RBFOX3: variants seen among roughly 807,000 people sequenced by gnomAD.
RBFOX3 encodes the protein RNA binding fox-1 homolog 3.
A neutral mutation model predicts 48.7 loss-of-function variants in RBFOX3; 17 were observed. The ratio of observed to expected loss-of-function variants is 0.35; its 90% CI spans 0.24 to 0.52. RBFOX3 has a LOEUF of 0.52. Ranked by LOEUF, RBFOX3 falls within the 20% of genes least tolerant of loss-of-function variation. RBFOX3 has a pLI of 0.94. For missense variants in RBFOX3, 382 were observed against 497.5 expected (o/e 0.77, Z 2.21); for synonymous variants, 212 against 209.5 (o/e 1.01, Z -0.10).
At chr17:79,105,991 A>G (rs1011097689) in intron 6 of RBFOX3, among the ~76,000 whole-genome samples, 1 of 152,234 alleles carries the variant, frequency 6.6e-6, no homozygotes, top group African/African-American at 2.4e-5. Context: ...CCCAGGACCC[A>G]GGGGCAGCCC....
At chr17:79,294,183 C>G (rs1770566347) in intron 3 of RBFOX3, among the ~76,000 whole-genome samples, 1 of 152,230 alleles carries the variant, frequency 6.6e-6, no homozygotes, top group South Asian at 2.1e-4. Flanking sequence ...TCTTCCCTAA[C>G]AGTTTATCTG....
chr17:79,656,828 A>G, the RBFOX3 span, among the ~76,000 whole-genome samples: 2,693 of 124,270 alleles, frequency 0.022, 61 homozygotes, highest in Non-Finnish European at 0.03. Flanking sequence ...AAAGAAAGAA[A>G]GAAAAGAAAG....
chr17:79,444,234 G>T (rs1224911958), intron 2 of RBFOX3, among the ~76,000 whole-genome samples: 2 of 152,154 alleles, frequency 1.3e-5, no homozygotes, highest in African/African-American at 4.8e-5. Flanking sequence ...ACCCTCAGGG[G>T]TCAGCCAACT....
intron 4 of RBFOX3, among the ~76,000 whole-genome samples, chr17:79,163,642 T>C (rs968530577): frequency 1.3e-5 from 2 of 152,044 alleles, no homozygotes; most frequent in Non-Finnish European, 2.9e-5. Flanking sequence ...CACCCAGCAC[T>C]GGGTGCAGAG....
intron 3 of RBFOX3, among the ~76,000 whole-genome samples, chr17:79,240,989 T>G (rs1600176623): frequency 6.6e-6 from 1 of 151,558 alleles, no homozygotes; most frequent in Non-Finnish European, 1.5e-5. Flanking sequence ...AAAAAAAATT[T>G]TTTTTGAGCA....
At chr17:79,185,258 A>C (rs999010953) in intron 4 of RBFOX3, among the ~76,000 whole-genome samples, 6 of 152,214 alleles carry the variant, frequency 3.9e-5, no homozygotes, top group African/African-American at 1.4e-4. Flanking sequence ...TGGTGCTGGC[A>C]CAGGACAAGG....
chr17:79,581,233 G>T (rs1372144938), intron 1 of RBFOX3, among the ~76,000 whole-genome samples: 2 of 152,156 alleles, frequency 1.3e-5, no homozygotes, highest in Non-Finnish European at 2.9e-5. Flanking sequence ...GGGCGACAGA[G>T]CGAGACTCCA....
In RBFOX3 at chr17:79,535,332, A is replaced by T. The variant is rs1003757021; in HGVS notation, c.-319-52734T>A. On this transcript the variant is annotated intron_variant, in intron 1 of 14. Coordinates refer to ENST00000693108, the MANE Select transcript of RBFOX3 (RefSeq NM_001350451.2). This position sits in a 1 kb window ranked among gnomAD's most constrained non-coding sequence, Gnocchi z 4.5. ...TTTGACTCATTGGCCAGATCTGGGG[A>T]TCACCTATAGGTAAGGAGAAGAGGG... is the stretch of plus-strand genomic sequence containing the variant. 6.6e-6 allele frequency among the ~76,000 whole-genome samples: 1 copy of T among 152,160 alleles called. No individual in the cohort carries two copies. Among genetic ancestry groups the T allele is most frequent in the African/African-American group, 2.4e-5 (1 of 41,430 alleles).
chr17:79,355,793 C>T (rs1379113686), intron 2 of RBFOX3, among the ~76,000 whole-genome samples: 2 of 152,130 alleles, frequency 1.3e-5, no homozygotes, highest in Non-Finnish European at 2.9e-5. Flanking sequence ...GTTGGCCAGG[C>T]TGGTCTTGAA....
intron 3 of RBFOX3, among the ~76,000 whole-genome samples, chr17:79,293,439 C>T (rs911772139): frequency 1.6e-3 from 130 of 82,696 alleles, no homozygotes; most frequent in African/African-American, 8.4e-3. Flanking sequence ...TTCCTTCCTT[C>T]CTTCCTTCCT....
At chr17:79,208,169 C>A (rs1231463926) in intron 4 of RBFOX3, among the ~76,000 whole-genome samples, 1 of 152,222 alleles carries the variant, frequency 6.6e-6, no homozygotes, top group African/African-American at 2.4e-5. Context: ...TACAGCAGAG[C>A]TGAGATGCTG....
At chr17:79,331,314 T>C (rs1476931797) in intron 2 of RBFOX3, among the ~76,000 whole-genome samples, 1 of 152,150 alleles carries the variant, frequency 6.6e-6, no homozygotes, top group African/African-American at 2.4e-5. Context: ...TGGTCCCTGG[T>C]CGCCACATGT....
the RBFOX3 span, among the ~76,000 whole-genome samples, chr17:79,640,669 C>A: frequency 9.9e-5 from 15 of 152,058 alleles, no homozygotes; most frequent in Non-Finnish European, 1.6e-4. Context: ...ATCAACAGAT[C>A]TTCAACAAGG....
At chr17:79,631,634 G>A in the RBFOX3 span, among the ~76,000 whole-genome samples, 247 of 152,300 alleles carry the variant, frequency 1.6e-3, 3 homozygotes, top group East Asian at 0.029. Context: ...TCAAGGCACC[G>A]AGGAAGTGTC....
rs2077985888 is a variant in RBFOX3 at position 79,477,313 on chromosome 17, T to C, written c.-175+5141A>G. 6.8e-6 allele frequency among the ~76,000 whole-genome samples: 1 copy of C among 147,674 alleles called. No homozygotes were observed. Among genetic ancestry groups the C allele is most frequent in the East Asian group, 2.0e-4 (1 of 4,994 alleles). On this transcript the variant is annotated intron_variant, in intron 2 of 14. Coordinates refer to ENST00000693108, the MANE Select transcript of RBFOX3 (RefSeq NM_001350451.2). The surrounding 1 kb of genome is among the most constrained non-coding windows in gnomAD (Gnocchi z 4.8). ...GGCTCACACCTGTAATCCCAGCACT[T>C]TGGGAGGCCAAGGCAGGTGGATCAC...
intron 2 of RBFOX3, among the ~76,000 whole-genome samples, chr17:79,373,039 C>T (rs1053069022): frequency 2.0e-5 from 3 of 152,288 alleles, no homozygotes; most frequent in South Asian, 2.1e-4. Flanking sequence ...TCTCACTCCT[C>T]GGAAGAGGAA....
At chr17:79,136,145 C>G (rs2040134120) in intron 4 of RBFOX3, 1 of 152,258 alleles carries the variant, frequency 6.6e-6, no homozygotes, top group Admixed American at 6.5e-5. Flanking sequence ...CGTGACAGCA[C>G]CTTCGCCCTG....
At position 79,342,602 on chromosome 17, in the gene RBFOX3, G is replaced by A. The variant is rs529415264; in HGVS notation, c.-174-34778C>T. Among the ~76,000 whole-genome samples the A allele has an allele frequency of 3.3e-5, 5 of 152,314 alleles. No homozygotes were observed. In the South Asian group the frequency reaches 1.0e-3, roughly 32 times the overall value. On this transcript the variant is annotated intron_variant, in intron 2 of 14. Coordinates refer to ENST00000693108, the MANE Select transcript of RBFOX3 (RefSeq NM_001350451.2). ...ACCTGGGTGTTCACAGCCAGTGAGC[G>A]AAGTGCTTTAGCCGTGCAGGTCAGA...
intron 4 of RBFOX3, among the ~76,000 whole-genome samples, chr17:79,224,068 G>A (rs1464808485): frequency 6.6e-6 from 1 of 152,062 alleles, no homozygotes; most frequent in Non-Finnish European, 1.5e-5. Flanking sequence ...CTGATTGAGA[G>A]TCTCTGGGCA....
Sources: allele counts gnomAD v4.1 joint callset (sites outside exome capture counted in the v4.1 genomes callset), GRCh38; gene constraint gnomAD v4.1.1; non-coding constraint Gnocchi (gnomAD v3.1); transcripts MANE v1.5; gene names NCBI Gene and HGNC (gene_info 2026-07-23, HGNC 2026-07-21).